Variants in MXI1 observed in about 807,000 individuals in gnomAD.
MXI1 encodes max-interacting protein 1.
In MXI1, 18 loss-of-function variants were observed where a neutral mutation model predicts 36.9. The ratio of observed to expected loss-of-function variants is 0.49; its 90% CI spans 0.34 to 0.72. The LOEUF (loss-of-function observed/expected upper bound fraction) is 0.72. Among genes scored for constraint, MXI1 ranks in the 30% least tolerant of loss-of-function variants. MXI1 has a pLI of 0.01. For missense variants in MXI1, 304 were observed against 379.1 expected, an observed-to-expected ratio of 0.80 and a Z score of 1.64; for synonymous variants, 160 against 146.7, an observed-to-expected ratio of 1.09 and a Z score of -0.65.
chr10:110,234,031 T>C (rs1403489931), intron 2 of MXI1, among the ~76,000 whole-genome samples: 1 of 152,204 alleles, frequency 6.6e-6, no homozygotes. Flanking sequence ...CAAAATATTA[T>C]CACTCATTTT....
Position 110,208,078 on chromosome 10 carries a change from CA to C in MXI1, c.274del (p.Lys92SerfsTer27). ...ACCTGGAGCAGATCGAGAAAGAAAACAAAAGTAAGTTTGGGGGCCCCTGCTC... is the reference window on the plus strand; with the variant it reads ...ACCTGGAGCAGATCGAGAAAGAAAACAAAGTAAGTTTGGGGGCCCCTGCTC... ...SYLEQIEKEN[K>X]KCEHGYASSF... On this transcript the variant is annotated frameshift_variant, in exon 1 of 6. Coordinates refer to ENST00000332674, the MANE Select transcript of MXI1 (RefSeq NM_130439.3). LOFTEE classifies it high-confidence loss of function. 6.3e-7 allele frequency: 1 copy of C among 1,588,164 alleles called. No individual in the cohort carries two copies. Among genetic ancestry groups the C allele is most frequent in the Non-Finnish European group, 8.6e-7 (1 of 1,167,766 alleles).
At chr10:110,262,902 C>G (rs1856566178) in intron 3 of MXI1, among the ~76,000 whole-genome samples, 1 of 152,132 alleles carries the variant, frequency 6.6e-6, no homozygotes, top group African/African-American at 2.4e-5. Context: ...CCAAACTGAT[C>G]TCTCTAAATT....
chr10:110,269,682 C>T (rs976782318), intron 3 of MXI1, among the ~76,000 whole-genome samples: 6 of 152,184 alleles, frequency 3.9e-5, no homozygotes, highest in African/African-American at 1.4e-4. Context: ...TCAGATCTCA[C>T]TTGCCAGCAC....
rs1333825598 is a variant in MXI1, at chr10:110,286,617, A to G, written c.*1630A>G. ...GGGCAAGGAAAAAGAAAATAAAGAC[A>G]ACCATATTTAGCAGTGCAGTTGAGT... On this transcript the variant is annotated 3_prime_UTR_variant, in exon 6 of 6. Transcript: ENST00000332674. The G allele has an allele frequency of 6.5e-6, 1 of 152,690 alleles. No homozygotes were observed. The highest frequency in any genetic ancestry group is 2.4e-5 in the African/African-American group (1 of 41,460). 9.5% of individuals were successfully genotyped at this position (152,690 alleles called of 1,614,324 possible).
chr10:110,226,536 G>T (rs1216162587), intron 1 of MXI1, among the ~76,000 whole-genome samples: 7 of 13,468 alleles, frequency 5.2e-4, no homozygotes, highest in South Asian at 1.8e-3. Context: ...GAGCGCGCGT[G>T]TGAGGGGAGG....
At chr10:110,217,111 C>T (rs1469024136) in intron 1 of MXI1, among the ~76,000 whole-genome samples, 1 of 152,018 alleles carries the variant, frequency 6.6e-6, no homozygotes, top group Admixed American at 6.6e-5. Flanking sequence ...TAGGGGCCTT[C>T]TGCACTTGGA....
chr10:110,241,872 C>T (rs1233388814), intron 2 of MXI1, among the ~76,000 whole-genome samples: 1 of 151,946 alleles, frequency 6.6e-6, no homozygotes, highest in Non-Finnish European at 1.5e-5. Flanking sequence ...CTCACAGTAA[C>T]CTGGCCAAGG....
rs1027045448 is a variant in MXI1 at position 110,285,728 on chromosome 10, C to G, written c.*741C>G. 1 of 152,264 alleles carries G rather than the reference C, an allele frequency of 6.6e-6. No individual in the cohort carries two copies. The highest frequency in any genetic ancestry group is 1.5e-5 in the Non-Finnish European group (1 of 68,060). 9.4% of individuals were successfully genotyped at this position (152,264 alleles called of 1,614,324 possible). The stretch of plus-strand genomic sequence containing the variant: ...TGCCCTTAGGCCACATGGGAGCAGT[C>G]CATGCATGACAGCCTCTATCCTACA... On this transcript the variant is annotated 3_prime_UTR_variant, in exon 6 of 6. Coordinates refer to ENST00000332674, the MANE Select transcript of MXI1 (RefSeq NM_130439.3).
At chr10:110,247,065 A>G (rs1231766299) in intron 3 of MXI1, among the ~76,000 whole-genome samples, 1 of 152,080 alleles carries the variant, frequency 6.6e-6, no homozygotes, top group Non-Finnish European at 1.5e-5. Context: ...ACCTGGTGAA[A>G]ACCATTAACA....
At chr10:110,237,109 A>G (rs1855502122) in intron 2 of MXI1, among the ~76,000 whole-genome samples, 1 of 152,118 alleles carries the variant, frequency 6.6e-6, no homozygotes, top group African/African-American at 2.4e-5. Flanking sequence ...AATAGTCTGT[A>G]TATTCCTTAG....
Position 110,261,269 on chromosome 10 carries a change from A to AT in MXI1, c.437+16420dup, listed in dbSNP as rs1474059899. The stretch of plus-strand genomic sequence containing the variant: ...TAATTCTAGGACATGTCTACTGTTT[A>AT]TTTTTTTTGCTTGCAGAGTTGCTAA... On this transcript the variant is annotated intron_variant, in intron 3 of 5. Coordinates refer to ENST00000332674, the MANE Select transcript of MXI1 (RefSeq NM_130439.3). 1.7e-4 allele frequency: 85 copies of AT among 486,460 alleles called. 2 individuals carry two copies. The East Asian group carries it at 3.2e-3, about 18-fold the overall frequency. The allele number at this position is 486,460 out of a possible 1,614,324, so 30.1% of individuals were successfully genotyped here. A position where few individuals can be genotyped will look rare whatever the true frequency, so the allele number is the denominator to read the frequency against.
At chr10:110,223,937 G>A (rs893028294) in intron 1 of MXI1, among the ~76,000 whole-genome samples, 12 of 151,866 alleles carry the variant, frequency 7.9e-5, no homozygotes, top group Admixed American at 7.9e-4. Context: ...ATATTTAAAA[G>A]GACTGGCAGA....
chr10:110,225,133 C>T (rs1234825344), intron 1 of MXI1, among the ~76,000 whole-genome samples: 4 of 152,178 alleles, frequency 2.6e-5, no homozygotes, highest in East Asian at 1.9e-4. Flanking sequence ...AGCAGGTCTG[C>T]GTCCGTTTCT....
At chr10:110,250,282 A>C (rs568158632) in intron 3 of MXI1, among the ~76,000 whole-genome samples, 1 of 152,268 alleles carries the variant, frequency 6.6e-6, no homozygotes, top group South Asian at 2.1e-4. Flanking sequence ...ACAGGTCATA[A>C]TAGGCCTAGG....
chr10:110,208,900 T>A (rs1157638624), intron 1 of MXI1, among the ~76,000 whole-genome samples: 4 of 152,192 alleles, frequency 2.6e-5, no homozygotes, highest in Non-Finnish European at 5.9e-5. Context: ...AGGTGTGGGC[T>A]GTTCTGTGCT....
intron 1 of MXI1, among the ~76,000 whole-genome samples, chr10:110,211,756 G>T (rs1854521827): frequency 6.6e-6 from 1 of 152,058 alleles, no homozygotes; most frequent in Non-Finnish European, 1.5e-5. Flanking sequence ...GTGCAAGGCA[G>T]GGGGGATTCC....
chr10:110,279,113 A>G, intron 3 of MXI1, 67 bp from the exon 4 acceptor site: 1 of 1,213,034 alleles, frequency 8.2e-7, no homozygotes, highest in Non-Finnish European at 1.2e-6. Context: ...TTTATCTTAA[A>G]ATAGGTTTTA....
At chr10:110,238,724 A>G (rs1228282796) in intron 2 of MXI1, among the ~76,000 whole-genome samples, 1 of 152,042 alleles carries the variant, frequency 6.6e-6, no homozygotes, top group African/African-American at 2.4e-5. Flanking sequence ...AAAAATTATT[A>G]TTTTAATCTC....
chr10:110,223,680 C>A (rs955118101), intron 1 of MXI1, among the ~76,000 whole-genome samples: 6 of 152,060 alleles, frequency 3.9e-5, no homozygotes, highest in Non-Finnish European at 7.4e-5. Context: ...CACCCCTACC[C>A]AACATGGCCC....
Sources: gnomAD v4.1 joint callset for allele counts (sites outside exome capture counted in the v4.1 genomes callset) on GRCh38, gnomAD v4.1.1 for gene constraint, MANE v1.5 for transcripts, NCBI Gene and HGNC (gene_info 2026-07-23, HGNC 2026-07-21) for gene names.